GLIS3: variants seen among roughly 807,000 people sequenced by gnomAD.
The protein encoded by GLIS3 is GLIS family zinc finger 3.
Under a neutral mutation model 78.6 loss-of-function variants are expected in GLIS3, and 53 were observed. The ratio of observed to expected loss-of-function variants is 0.67; its 90% CI spans 0.54 to 0.85. The LOEUF (loss-of-function observed/expected upper bound fraction) is 0.85, where lower values mean the gene tolerates loss of function less well. Ranked by LOEUF, GLIS3 falls within the 40% of genes least tolerant of loss-of-function variation. GLIS3 has a pLI of 0.00. For synonymous variants in GLIS3, 684 were observed against 509.9 expected (o/e 1.34, Z -4.60); for missense variants, 1,703 against 1,231.1 (o/e 1.38, Z -5.74).
chr9:4,378,041 T>C, the GLIS3 span, among the ~76,000 whole-genome samples: 1 of 152,118 alleles, frequency 6.6e-6, no homozygotes, highest in African/African-American at 2.4e-5. Flanking sequence ...ATCTGGTAAA[T>C]GGGTATACCA....
chr9:4,119,485 T>C (rs764401720), intron 3 of GLIS3, among the ~76,000 whole-genome samples: 16 of 152,224 alleles, frequency 1.1e-4, no homozygotes, highest in Non-Finnish European at 2.1e-4. Flanking sequence ...TAATTCACAT[T>C]GCCAGTAATT....
At chr9:4,414,017 G>A in the GLIS3 span, among the ~76,000 whole-genome samples, 3 of 152,052 alleles carry the variant, frequency 2.0e-5, no homozygotes, top group African/African-American at 7.2e-5. Context: ...GCAAGTCAGT[G>A]AAAGCCAGAA....
intron 2 of GLIS3, among the ~76,000 whole-genome samples, chr9:4,259,572 C>T (rs1825315854): frequency 6.6e-6 from 1 of 152,192 alleles, no homozygotes; most frequent in Admixed American, 6.5e-5. Context: ...ATAATCCTAT[C>T]CCTTCGTCCT....
intron 4 of GLIS3, among the ~76,000 whole-genome samples, chr9:4,102,170 A>G (rs1830417375): frequency 6.6e-6 from 1 of 152,154 alleles, no homozygotes; most frequent in East Asian, 1.9e-4. Context: ...TTATGTCAGT[A>G]TTTCTATAAG....
chr9:4,330,315 T>C (rs1275070469), intron 2 of GLIS3, among the ~76,000 whole-genome samples: 1 of 152,246 alleles, frequency 6.6e-6, no homozygotes, highest in Non-Finnish European at 1.5e-5. Context: ...AGATTGCTGG[T>C]ACCCATCCAG....
At chr9:4,114,204 C>G (rs571294262) in intron 4 of GLIS3, among the ~76,000 whole-genome samples, 11 of 152,046 alleles carry the variant, frequency 7.2e-5, no homozygotes, top group Non-Finnish European at 1.0e-4. Context: ...CAGAGCATGC[C>G]CAAGCTCATT....
intron 4 of GLIS3, among the ~76,000 whole-genome samples, chr9:4,060,798 C>G (rs146819989): frequency 6.6e-6 from 1 of 152,294 alleles, no homozygotes; most frequent in East Asian, 1.9e-4. Flanking sequence ...TAATAAGCAA[C>G]AGAAAAATGG....
the GLIS3 span, among the ~76,000 whole-genome samples, chr9:4,406,870 C>G: frequency 1.3e-5 from 2 of 152,104 alleles, no homozygotes; most frequent in African/African-American, 2.4e-5. Flanking sequence ...TTATACTAGC[C>G]AAAGCAATCT....
At chr9:4,345,153 A>G (rs1055277152) in intron 2 of GLIS3, among the ~76,000 whole-genome samples, 10 of 152,172 alleles carry the variant, frequency 6.6e-5, no homozygotes, top group Non-Finnish European at 1.3e-4. Context: ...ATCCTACACA[A>G]TCTGACTCAT....
intron 2 of GLIS3, among the ~76,000 whole-genome samples, chr9:4,343,087 C>T (rs1232285388): frequency 6.6e-6 from 1 of 152,110 alleles, no homozygotes; most frequent in Admixed American, 6.5e-5. Flanking sequence ...GCCTACAATC[C>T]CAGCACTGTG....
chr9:4,440,019 T>C, the GLIS3 span, among the ~76,000 whole-genome samples: 1 of 152,206 alleles, frequency 6.6e-6, no homozygotes, highest in East Asian at 1.9e-4. Flanking sequence ...ATTCAAGTCT[T>C]TCGCCCATTT....
intron 4 of GLIS3, among the ~76,000 whole-genome samples, chr9:4,088,126 A>G (rs541203659): frequency 1.1e-4 from 16 of 152,350 alleles, no homozygotes; most frequent in African/African-American, 3.8e-4. Context: ...CAAGAATTCA[A>G]CTTCTGAAAG....
the GLIS3 span, among the ~76,000 whole-genome samples, chr9:4,412,543 T>C: frequency 6.6e-6 from 1 of 152,216 alleles, no homozygotes; most frequent in Non-Finnish European, 1.5e-5. Context: ...CTTAGGGACA[T>C]GGATTTCAGC....
intron 2 of GLIS3, among the ~76,000 whole-genome samples, chr9:4,226,227 A>G (rs1821757569): frequency 6.6e-6 from 1 of 152,188 alleles, no homozygotes; most frequent in Non-Finnish European, 1.5e-5. Context: ...ATAAGAAGGA[A>G]CAGAAGTAAA....
intron 2 of GLIS3, among the ~76,000 whole-genome samples, chr9:4,257,649 C>T (rs543791016): frequency 1.3e-5 from 2 of 151,816 alleles, no homozygotes; most frequent in African/African-American, 2.4e-5. Flanking sequence ...TCTCGGCTCA[C>T]TGCAAGCTCC....
chr9:4,370,738 A>G, the GLIS3 span, among the ~76,000 whole-genome samples: 60,385 of 151,394 alleles, frequency 0.4, 13,342 homozygotes, highest in African/African-American at 0.6. Flanking sequence ...TAAATTTAGC[A>G]TAGTATTATA....
At chr9:3,979,918 C>T (rs535905559) in intron 4 of GLIS3, among the ~76,000 whole-genome samples, 8 of 152,058 alleles carry the variant, frequency 5.3e-5, no homozygotes, top group Non-Finnish European at 1.0e-4. Context: ...AGGAGCAGAC[C>T]GACAGCAGAA....
At chr9:4,444,928 T>C in the GLIS3 span, among the ~76,000 whole-genome samples, 3 of 152,234 alleles carry the variant, frequency 2.0e-5, no homozygotes, top group African/African-American at 7.2e-5. Flanking sequence ...AAACATCTCA[T>C]AAGAAACATG....
chr9:4,048,103 C>T (rs1008577423), intron 4 of GLIS3, among the ~76,000 whole-genome samples: 5 of 152,126 alleles, frequency 3.3e-5, no homozygotes, highest in African/African-American at 1.2e-4. Context: ...GGCATTTTGC[C>T]CCCATTTACT....
Sources: gnomAD v4.1 joint callset for allele counts (sites outside exome capture counted in the v4.1 genomes callset) on GRCh38, gnomAD v4.1.1 for gene constraint, MANE v1.5 for transcripts, NCBI Gene and HGNC (gene_info 2026-07-23, HGNC 2026-07-21) for gene names.